The following L3MBTL4 variants were observed in gnomAD, a reference collection of about 807,000 sequenced individuals.
The protein encoded by L3MBTL4 is L3MBTL histone methyl-lysine binding protein 4, also known as lethal(3)malignant brain tumor-like protein 4.
L3MBTL4 carries 70 observed loss-of-function variants against 84.5 expected under a neutral mutation model. That is an observed-to-expected ratio of 0.83 (90% confidence interval 0.68 to 1.01). The LOEUF (loss-of-function observed/expected upper bound fraction) is 1.01. Ranked by LOEUF, L3MBTL4 falls within the 50% of genes least tolerant of loss-of-function variation. L3MBTL4 has a pLI of 0.00. For synonymous variants in L3MBTL4, 274 were observed against 259.8 expected (o/e 1.05, Z -0.52); for missense variants, 715 against 754.8 (o/e 0.95, Z 0.62).
At chr18:6,081,825 T>A (rs1460679351) in intron 15 of L3MBTL4, among the ~76,000 whole-genome samples, 1 of 152,244 alleles carries the variant, frequency 6.6e-6, no homozygotes, top group Non-Finnish European at 1.5e-5. Flanking sequence ...TTTATTTGTA[T>A]GTTTACACAA....
intron 14 of L3MBTL4, among the ~76,000 whole-genome samples, chr18:6,103,600 T>G (rs536718485): frequency 1.3e-5 from 2 of 152,336 alleles, no homozygotes; most frequent in Admixed American, 1.3e-4. Flanking sequence ...ATTTTGGCAA[T>G]GAATCATAAT....
chr18:5,967,543 C>T (rs1168083731), intron 17 of L3MBTL4, among the ~76,000 whole-genome samples: 2 of 152,186 alleles, frequency 1.3e-5, no homozygotes, highest in Admixed American at 1.3e-4. Flanking sequence ...ATTCAGTTCA[C>T]AATTGATTTC....
At position 6,218,216 on chromosome 18, in the gene L3MBTL4, A is replaced by G. The variant is rs556856504; in HGVS notation, c.785-2381T>C. 2.0e-5 allele frequency among the ~76,000 whole-genome samples: 3 copies of G among 152,320 alleles called. 1 individual carries two copies. Among genetic ancestry groups the G allele is most frequent in the Non-Finnish European group, 1.5e-5 (1 of 68,020 alleles). On this transcript the variant is annotated intron_variant, in intron 10 of 18. Coordinates refer to ENST00000317931, the MANE Select transcript of L3MBTL4 (RefSeq NM_001330559.2). ...ACTGCAGCCTCAAACTCCTGGGCTC[A>G]TGTTGTTCTCTCACCTCCGCCTTCT...
chr18:6,100,890 G>A (rs1309918654), intron 14 of L3MBTL4, among the ~76,000 whole-genome samples: 4 of 152,186 alleles, frequency 2.6e-5, no homozygotes, highest in Non-Finnish European at 2.9e-5. Flanking sequence ...GGATGAGGGC[G>A]TAGGCCCAGG....
chr18:6,288,387 A>G, intron 4 of L3MBTL4, among the ~76,000 whole-genome samples: 1 of 152,244 alleles, frequency 6.6e-6, no homozygotes, highest in Non-Finnish European at 1.5e-5. Context: ...TTTAGTTCAC[A>G]TGACTTAAGT....
chr18:6,317,813 A>C (rs1488854197), intron 1 of L3MBTL4, among the ~76,000 whole-genome samples: 1 of 152,182 alleles, frequency 6.6e-6, no homozygotes, highest in African/African-American at 2.4e-5. Context: ...AAGCTATCTA[A>C]AGTCAACATG....
rs2055181244 is a variant in L3MBTL4, at chr18:6,020,091, C to T, written c.1445-50529G>A. ...TGGAGCTCACATTCTACAGGAGAGA[C>T]AGTTAAATAATTAAAATAGAGTATA... On this transcript the variant is annotated intron_variant, in intron 16 of 18. Transcript: ENST00000317931. Among the ~76,000 whole-genome samples the T allele has an allele frequency of 1.3e-5, 2 of 152,070 alleles. 1 individual carries two copies. Among genetic ancestry groups the T allele is most frequent in the South Asian group, 4.2e-4 (2 of 4,814 alleles).
chr18:6,409,333 T>C (rs1195780257), intron 1 of L3MBTL4, among the ~76,000 whole-genome samples: 1 of 152,180 alleles, frequency 6.6e-6, no homozygotes, highest in African/African-American at 2.4e-5. Flanking sequence ...ATTTTTTATA[T>C]GTTGTCACTC....
In L3MBTL4 at chr18:6,252,060, C is replaced by T. The variant is rs190598788; in HGVS notation, c.220-7472G>A. On this transcript the variant is annotated intron_variant, in intron 5 of 18. Coordinates refer to ENST00000317931, the MANE Select transcript of L3MBTL4 (RefSeq NM_001330559.2). The stretch of plus-strand genomic sequence containing the variant: ...GGCACGGTGGCTCACGCCTGCAATC[C>T]CAGCACTTTGGGAGGCCAAGGTGGG... Among the ~76,000 whole-genome samples, 856 of 152,264 alleles carry T rather than the reference C, an allele frequency of 5.6e-3. 3 individuals carry two copies. Among genetic ancestry groups the T allele is most frequent in the Middle Eastern group, 0.014 (4 of 294 alleles).
intron 10 of L3MBTL4, among the ~76,000 whole-genome samples, chr18:6,222,218 A>T (rs1325239209): frequency 6.6e-6 from 1 of 152,234 alleles, no homozygotes; most frequent in East Asian, 1.9e-4. Context: ...TCTAACATTT[A>T]CAGCAGTACG....
chr18:6,137,855 A>G (rs1334124072), intron 14 of L3MBTL4, among the ~76,000 whole-genome samples: 1 of 152,266 alleles, frequency 6.6e-6, no homozygotes, highest in Non-Finnish European at 1.5e-5. Flanking sequence ...AATGAGTAGA[A>G]AAGGCAAGAG....
chr18:6,306,236 T>A (rs1209335684), intron 3 of L3MBTL4, among the ~76,000 whole-genome samples: 1 of 152,236 alleles, frequency 6.6e-6, no homozygotes, highest in Non-Finnish European at 1.5e-5. Flanking sequence ...AATTTGCCTA[T>A]TGGATAAAAG....
intron 14 of L3MBTL4, among the ~76,000 whole-genome samples, chr18:6,137,890 G>A (rs2060073179): frequency 6.6e-6 from 1 of 152,214 alleles, no homozygotes; most frequent in African/African-American, 2.4e-5. Context: ...CTAGAAGAAA[G>A]CAAGTCTCAG....
intron 16 of L3MBTL4, among the ~76,000 whole-genome samples, chr18:5,998,117 C>T (rs932734493): frequency 2.0e-5 from 3 of 152,206 alleles, no homozygotes; most frequent in Admixed American, 6.5e-5. Context: ...GACACCCTGG[C>T]TCCAAATCTC....
Position 6,254,657 on chromosome 18 carries a change from A to T in L3MBTL4, c.219+9290T>A, listed in dbSNP as rs573893740. ...AAGATTGTAGCAAGAGGCATTCTTCAAATAGAGAAACAGAACTCAGGGCTC... is the reference window on the plus strand; with the variant it reads ...AAGATTGTAGCAAGAGGCATTCTTCTAATAGAGAAACAGAACTCAGGGCTC... On this transcript the variant is annotated intron_variant, in intron 5 of 18. Transcript: ENST00000317931. Among the ~76,000 whole-genome samples, 13 of 152,280 alleles carry T rather than the reference A, an allele frequency of 8.5e-5. No homozygotes were observed. The South Asian group carries it at 2.1e-3, about 24-fold the overall frequency.
chr18:6,269,650 C>A (rs879495722), intron 4 of L3MBTL4, among the ~76,000 whole-genome samples: 1 of 152,100 alleles, frequency 6.6e-6, no homozygotes, highest in Non-Finnish European at 1.5e-5. Context: ...AAATATCCAA[C>A]AATAGAAGTC....
chr18:6,166,971 G>A (rs954544254), intron 13 of L3MBTL4, among the ~76,000 whole-genome samples: 4 of 151,838 alleles, frequency 2.6e-5, no homozygotes, highest in African/African-American at 7.2e-5. Flanking sequence ...TCAAATAGAC[G>A]CAATAAAAAA....
At chr18:6,272,349 G>A (rs408299) in intron 4 of L3MBTL4, among the ~76,000 whole-genome samples, 118,113 of 148,716 alleles carry the variant, frequency 0.79, 47,138 homozygotes, top group Admixed American at 0.81. Context: ...GTAGGATGGC[G>A]TCTGCTAAGA....
At chr18:6,267,389 GT>G (rs2100135256) in intron 4 of L3MBTL4, among the ~76,000 whole-genome samples, 1 of 152,222 alleles carries the variant, frequency 6.6e-6, no homozygotes, top group African/African-American at 2.4e-5. Context: ...GGAGCTCACA[GT>G]CCATTGGCCC....
Sources: allele counts gnomAD v4.1 joint callset (sites outside exome capture counted in the v4.1 genomes callset), GRCh38; gene constraint gnomAD v4.1.1; transcripts MANE v1.5; gene names NCBI Gene and HGNC (gene_info 2026-07-23, HGNC 2026-07-21).